Variants in CCDC9 observed in about 807,000 individuals in gnomAD.
The protein encoded by CCDC9 is coiled-coil domain containing 9.
CCDC9 carries 52 observed loss-of-function variants against 65.6 expected under a neutral mutation model. That is an observed-to-expected ratio of 0.79 (90% CI 0.63 to 1.00). CCDC9 has a LOEUF of 1.00. Ranked by LOEUF, CCDC9 falls within the 50% of genes least tolerant of loss-of-function variation. The pLI is 0.00. For missense variants in CCDC9, 834 were observed against 757.2 expected, an observed-to-expected ratio of 1.10 and a Z score of -1.19; for synonymous variants, 332 against 280.3, an observed-to-expected ratio of 1.18 and a Z score of -1.84.
chr19:47,258,600 T>G lies in CCDC9; in HGVS notation c.45T>G (p.Ala15=). The G allele has an allele frequency of 6.2e-7, 1 of 1,614,164 alleles. No individual in the cohort carries two copies. ...TGAAATCAAAGGAGGAGAAGGATGC[T>G]GAGTTGGACAAGAGGATCGAGGCTC... ...LDLKSKEEKD[A]ELDKRIEALR... The change falls in exon 3 of 12, where the codon GCT becomes GCG. Residue 15 remains alanine (A), a synonymous_variant. Transcript: ENST00000221922.
downstream of CCDC9, chr19:47,273,884 C>A (rs1030038766): frequency 2.6e-6 from 2 of 769,662 alleles, no homozygotes; most frequent in Non-Finnish European, 3.2e-6. Context: ...CTGTGCTTGG[C>A]GGGCTTTTCT....
chr19:47,264,805 C>T lies in CCDC9; in HGVS notation c.579C>T (p.Asn193=), dbSNP rs2059069771. ...TTCTTGAACCCAACCCAGTGCGGAA[C>T]TTCCTGGACGACCCCCGGCGACGCA... ...EGVLEPNPVR[N]FLDDPRRRSG... The change falls in exon 7 of 12, where the codon AAC becomes AAT. Residue 193 remains asparagine (N), a synonymous_variant. Transcript: ENST00000221922. 2 of 1,581,592 alleles carry T rather than the reference C, an allele frequency of 1.3e-6. No homozygotes were observed. The highest frequency in any genetic ancestry group is 1.7e-6 in the Non-Finnish European group (2 of 1,161,504).
Position 47,270,571 on chromosome 19 carries a change from G to A in CCDC9, c.968G>A (p.Arg323Gln), listed in dbSNP as rs745548599. ...GTTGCAGATGACCAGGCCTGGGCCC[G>A]GCCCCCGAAGCCCCCTACTTTTGGG... ...SHRYDDQAWA[R>Q]PPKPPTFGEF... is the part of the protein sequence containing the mutation. The change falls in exon 10 of 12, where the codon CGG (arginine) becomes CAG (glutamine). Residue 323 changes from arginine to glutamine, a missense_variant. Arg to Gln is a conservative substitution (Grantham distance 43, BLOSUM62 1). Coordinates refer to ENST00000221922, the MANE Select transcript of CCDC9 (RefSeq NM_015603.3). The A allele has an allele frequency of 6.2e-6, 10 of 1,613,844 alleles. No homozygotes were observed. Among genetic ancestry groups the A allele is most frequent in the East Asian group, 2.2e-5 (1 of 44,880 alleles).
Position 47,263,335 on chromosome 19 carries a change from A to C in CCDC9, c.463-1268A>C, listed in dbSNP as rs184546669. On this transcript the variant is annotated intron_variant, in intron 5 of 11. Coordinates refer to ENST00000221922, the MANE Select transcript of CCDC9 (RefSeq NM_015603.3). The stretch of plus-strand genomic sequence containing the variant: ...TAGATTTATCACAGTGAAAGAGATC[A>C]CAAAGCAAAATCAGCAGGGGGCGGG... 3.3e-5 allele frequency among the ~76,000 whole-genome samples: 5 copies of C among 152,248 alleles called. No homozygotes were observed. In the East Asian group the frequency reaches 9.7e-4, roughly 29 times the overall value.
downstream of CCDC9, chr19:47,275,222 C>G (rs2123497941): frequency 6.5e-7 from 1 of 1,528,958 alleles, no homozygotes. Flanking sequence ...GAGTCCCCGG[C>G]GGGCCGCGAC....
rs2059125618 is a variant in CCDC9, at chr19:47,271,781, G to A, written c.*103G>A. 2 of 1,463,494 alleles carry A rather than the reference G, an allele frequency of 1.4e-6. No individual in the cohort carries two copies. Among genetic ancestry groups the A allele is most frequent in the African/African-American group, 1.4e-5 (1 of 70,828 alleles). 90.7% of individuals were successfully genotyped at this position (1,463,494 alleles called of 1,614,324 possible). On this transcript the variant is annotated 3_prime_UTR_variant, in exon 12 of 12. Transcript: ENST00000221922. ...CGCGCTAGAGGGGTGTGGCTGGTGG[G>A]GGACCCTTGGGGCTGGGCCCTGGGA...
intron 1 of CCDC9, 82 bp downstream of exon 1, chr19:47,256,691 C>CGGGCGGGGTGGGGAGCCGCCTGCGG (rs1555801984): frequency 8.2e-6 from 1 of 122,558 alleles, no homozygotes; most frequent in Non-Finnish European, 1.7e-5. Flanking sequence ...CGAACAGGCC[C>CGGGCGGGGTGGGGAGCCGCCTGCGG]GGGCGGGGTC....
chr19:47,268,292 C>G (rs190636141), intron 8 of CCDC9, among the ~76,000 whole-genome samples: 1 of 152,112 alleles, frequency 6.6e-6, no homozygotes, highest in Non-Finnish European at 1.5e-5. Context: ...CTGGAAGAGC[C>G]GATAAATAGC....
rs1039735212 is a variant in CCDC9 at position 47,259,872 on chromosome 19, C to T, written c.109-449C>T. ...CAGGGGAGCTGGTTTCCACAGGGTG[C>T]TCAGGGAAGGCCTCACGAGAAGGCA... On this transcript the variant is annotated intron_variant, in intron 3 of 11. Transcript: ENST00000221922. Among the ~76,000 whole-genome samples, 19 of 152,256 alleles carry T rather than the reference C, an allele frequency of 1.2e-4. No homozygotes were observed. The South Asian group carries it at 3.7e-3, about 30-fold the overall frequency.
At chr19:47,256,761 C>T (rs1001289609) in intron 1 of CCDC9, among the ~76,000 whole-genome samples, 152 bp downstream of exon 1, 3 of 5,208 alleles carry the variant, frequency 5.8e-4, no homozygotes, top group African/African-American at 2.7e-3. Flanking sequence ...GGGGCGCTGG[C>T]GGGGCGGGCC....
At chr19:47,274,661 G>C (rs1284243506), downstream of CCDC9, 3 of 250,870 alleles carry the variant, frequency 1.2e-5, no homozygotes, top group Non-Finnish European at 2.1e-5. Flanking sequence ...GGTGATTGGG[G>C]TGGTGGGGCT....
chr19:47,258,141 T>G (rs1210822961), intron 1 of CCDC9, 189 bp from the exon 2 acceptor site: 1 of 568,980 alleles, frequency 1.8e-6, no homozygotes, highest in Non-Finnish European at 3.1e-6. Context: ...ACAAAGATCA[T>G]GAAAGGGCTG....
In CCDC9 at chr19:47,260,673, A is replaced by G. The variant is rs1441857309; in HGVS notation, c.296A>G (p.Gln99Arg). 4 of 1,539,172 alleles carry G rather than the reference A, an allele frequency of 2.6e-6. No homozygotes were observed. Among genetic ancestry groups the G allele is most frequent in the Non-Finnish European group, 3.5e-6 (4 of 1,150,856 alleles). ...AAGGGGGGCCGGACTCCTCCACAGC[A>G]GGGAGGCCGGGCCGGCATGGGCCGA... is the stretch of plus-strand genomic sequence containing the variant. ...ASKGGRTPPQ[Q>R]GGRAGMGRAS... The change falls in exon 5 of 12, where the codon CAG (glutamine) becomes CGG (arginine). Residue 99 changes from glutamine to arginine, a missense_variant. Physicochemically the swap from Gln to Arg is conservative, Grantham distance 43 (BLOSUM62 1). Transcript: ENST00000221922.
chr19:47,258,826 A>C (rs533209711), intron 3 of CCDC9, among the ~76,000 whole-genome samples, 163 bp downstream of exon 3: 2 of 152,294 alleles, frequency 1.3e-5, no homozygotes, highest in South Asian at 4.1e-4. Flanking sequence ...TTATTCATTC[A>C]TTCATTCATT....
chr19:47,271,411 G>A lies in CCDC9; in HGVS notation c.1329G>A (p.Glu443=). The change falls in exon 12 of 12, where the codon GAG becomes GAA. Residue 443 remains glutamate (E), a synonymous_variant. Transcript: ENST00000221922. ...AGATCGAGGTGGAAGAAGGTGATGA[G>A]GAGGAACCAGCCCAAGACCACCAAG... ...EEEIEVEEGD[E]EEPAQDHQAP... The A allele has an allele frequency of 7.9e-7, 1 of 1,272,704 alleles. No homozygotes were observed. Among genetic ancestry groups the A allele is most frequent in the South Asian group, 1.7e-5 (1 of 57,878 alleles). 78.8% of individuals were successfully genotyped at this position (1,272,704 alleles called of 1,614,324 possible). A position where few individuals can be genotyped will look rare whatever the true frequency, so the allele number is the denominator to read the frequency against.
intron 7 of CCDC9, 185 bp from the exon 8 acceptor site, chr19:47,266,424 CAG>C: frequency 1.3e-6 from 1 of 752,760 alleles, no homozygotes; most frequent in Non-Finnish European, 2.0e-6. Context: ...GCTGAGGGGA[CAG>C]AGGGATGCTA....
intron 1 of CCDC9, 139 bp downstream of exon 1, chr19:47,256,748 G>T (rs1469886732): frequency 6.6e-6 from 1 of 150,730 alleles, no homozygotes; most frequent in Non-Finnish European, 1.5e-5. Context: ...ATGGGAAGCT[G>T]GAGGGGCGCT....
At chr19:47,269,879 C>T (rs115855508) in intron 8 of CCDC9, among the ~76,000 whole-genome samples, 2,830 of 152,128 alleles carry the variant, frequency 0.019, 120 homozygotes, top group African/African-American at 0.065. Flanking sequence ...GTGATCCCCC[C>T]AAATTTTTGT....
chr19:47,266,001 T>C (rs754583377), intron 7 of CCDC9, among the ~76,000 whole-genome samples: 12,279 of 121,056 alleles, frequency 0.1, 1,087 homozygotes, highest in South Asian at 0.23. Flanking sequence ...TTTTTTTTTT[T>C]TTTTTTTTTT....
Sources: gnomAD v4.1 joint callset for allele counts (sites outside exome capture counted in the v4.1 genomes callset) on GRCh38, gnomAD v4.1.1 for gene constraint, MANE v1.5 for transcripts, NCBI Gene and HGNC (gene_info 2026-07-23, HGNC 2026-07-21) for gene names.